Variants in ITGA9 observed in about 807,000 individuals in gnomAD.
ITGA9 encodes the protein integrin alpha-9.
A neutral mutation model predicts 127.8 loss-of-function variants in ITGA9; 56 were observed. The observed-to-expected ratio is 0.44, with a 90% confidence interval of 0.35 to 0.55. The LOEUF (loss-of-function observed/expected upper bound fraction) is 0.55, where lower values mean the gene tolerates loss of function less well. Ranked by LOEUF, ITGA9 falls within the 20% of genes least tolerant of loss-of-function variation. The probability of loss-of-function intolerance (pLI) is 0.00; values close to 1 mark genes in which losing one functional copy is unlikely to be tolerated. For missense variants in ITGA9, 1,196 were observed against 1,347.1 expected, an observed-to-expected ratio of 0.89 and a Z score of 1.76; for synonymous variants, 508 against 514.5, an observed-to-expected ratio of 0.99 and a Z score of 0.17.
intron 5 of ITGA9, among the ~76,000 whole-genome samples, chr3:37,499,107 C>A (rs1311861259): frequency 6.6e-6 from 1 of 152,236 alleles, no homozygotes; most frequent in Non-Finnish European, 1.5e-5. Flanking sequence ...TGGATACCAC[C>A]TGAATTTTAG....
intron 23 of ITGA9, among the ~76,000 whole-genome samples, chr3:37,762,727 G>A (rs1337701470): frequency 6.6e-6 from 1 of 152,164 alleles, no homozygotes; most frequent in African/African-American, 2.4e-5. Flanking sequence ...ATCTATTTTG[G>A]GATAAAACAT....
At chr3:37,584,495 G>A (rs1699738442) in intron 15 of ITGA9, among the ~76,000 whole-genome samples, 1 of 152,124 alleles carries the variant, frequency 6.6e-6, no homozygotes, top group South Asian at 2.1e-4. Context: ...ATGCAGTCTA[G>A]CCTGTAATCC....
chr3:37,616,867 T>A (rs905259653), intron 15 of ITGA9, among the ~76,000 whole-genome samples: 9 of 152,210 alleles, frequency 5.9e-5, no homozygotes, highest in African/African-American at 2.2e-4. Flanking sequence ...TCTCTGCACG[T>A]GAGATGGGTC....
At chr3:37,534,707 G>A (rs1193403448) in intron 14 of ITGA9, among the ~76,000 whole-genome samples, 1 of 152,218 alleles carries the variant, frequency 6.6e-6, no homozygotes, top group Non-Finnish European at 1.5e-5. Flanking sequence ...AACATTGAAT[G>A]AAACCATACC....
At chr3:37,582,427 A>T (rs1309076540) in intron 15 of ITGA9, among the ~76,000 whole-genome samples, 1 of 152,160 alleles carries the variant, frequency 6.6e-6, no homozygotes, top group Admixed American at 6.5e-5. Context: ...TTTTAAGGGG[A>T]GGAAGATGGC....
chr3:37,585,120 G>A lies in ITGA9; in HGVS notation c.1689+42535G>A, dbSNP rs118145256. Among the ~76,000 whole-genome samples the A allele has an allele frequency of 1.2e-3, 181 of 152,242 alleles. 4 individuals are homozygous for A. In the East Asian group the frequency reaches 0.023, roughly 19 times the overall value. On this transcript the variant is annotated intron_variant, in intron 15 of 27. Transcript: ENST00000264741. ...GACCACTCCCCACCTTGCTCCTTCC[G>A]ACCTAGGGCATTAATGGCTCCCTGC...
intron 17 of ITGA9, among the ~76,000 whole-genome samples, chr3:37,667,349 T>G: frequency 6.6e-6 from 1 of 152,194 alleles, no homozygotes; most frequent in East Asian, 1.9e-4. Flanking sequence ...AACAATATAT[T>G]ATTGCACACA....
chr3:37,672,915 A>G (rs1302144622), intron 17 of ITGA9, among the ~76,000 whole-genome samples: 1 of 148,472 alleles, frequency 6.7e-6, no homozygotes, highest in East Asian at 2.0e-4. Flanking sequence ...TTTTTTTTTT[A>G]CAACAAAAAA....
At chr3:37,498,580 G>A (rs906553665) in intron 5 of ITGA9, among the ~76,000 whole-genome samples, 3 of 152,160 alleles carry the variant, frequency 2.0e-5, no homozygotes, top group African/African-American at 7.2e-5. Context: ...CAGGCTTTGG[G>A]ATTTAGAACC....
intron 5 of ITGA9, among the ~76,000 whole-genome samples, chr3:37,498,396 T>C (rs1250741805): frequency 2.0e-5 from 3 of 152,014 alleles, no homozygotes; most frequent in Non-Finnish European, 4.4e-5. Flanking sequence ...GAGGAGAAAG[T>C]GTTCCCAGGA....
rs576868140 is a variant in ITGA9 at position 37,790,304 on chromosome 3, G to C, written c.2889+5226G>C. ...TGAGCAATCTCTCCCTTAATTTCTG[G>C]ATAGAGACTAATCTGCTCTCACAGG... On this transcript the variant is annotated intron_variant, in intron 26 of 27. Coordinates refer to ENST00000264741, the MANE Select transcript of ITGA9 (RefSeq NM_002207.3). 14 of 536,304 alleles carry C rather than the reference G, an allele frequency of 2.6e-5. No homozygotes were observed. In the East Asian group the frequency reaches 7.0e-4, roughly 27 times the overall value. 33.2% of individuals were successfully genotyped at this position (536,304 alleles called of 1,614,324 possible).
At chr3:37,521,246 G>A (rs1699041573) in intron 11 of ITGA9, among the ~76,000 whole-genome samples, 2 of 152,210 alleles carry the variant, frequency 1.3e-5, no homozygotes, top group African/African-American at 4.8e-5. Context: ...CCCAGGTCCT[G>A]GACAGAGCAG....
At chr3:37,651,334 A>G (rs1016947089) in intron 16 of ITGA9, among the ~76,000 whole-genome samples, 14 of 152,226 alleles carry the variant, frequency 9.2e-5, no homozygotes, top group East Asian at 7.7e-4. Flanking sequence ...TGCATCTCAC[A>G]TGGCTAAGAG....
In ITGA9 at chr3:37,665,893, G is replaced by T. The variant is rs189821937; in HGVS notation, c.1916+12103G>T. ...GGATTTAGGCCCCAGGGAAGGTGAG[G>T]AGCAGTGTAAGGGACAGTCACACTC... On this transcript the variant is annotated intron_variant, in intron 17 of 27. Coordinates refer to ENST00000264741, the MANE Select transcript of ITGA9 (RefSeq NM_002207.3). Among the ~76,000 whole-genome samples, 13 of 152,304 alleles carry T rather than the reference G, an allele frequency of 8.5e-5. No individual in the cohort carries two copies. The East Asian group carries it at 2.5e-3, about 29-fold the overall frequency.
At chr3:37,595,071 C>T (rs1206551803) in intron 15 of ITGA9, among the ~76,000 whole-genome samples, 1 of 152,166 alleles carries the variant, frequency 6.6e-6, no homozygotes, top group Non-Finnish European at 1.5e-5. Context: ...CCTGGAAGAT[C>T]CGCTTCCTTG....
intron 16 of ITGA9, among the ~76,000 whole-genome samples, chr3:37,645,043 AGGG>A (rs1457846973): frequency 1.3e-5 from 2 of 152,126 alleles, no homozygotes; most frequent in Non-Finnish European, 2.9e-5. Flanking sequence ...CAGAATTGGG[AGGG>A]AGAAACCTCT....
intron 26 of ITGA9, chr3:37,790,977 A>C (rs1697102100): frequency 6.6e-6 from 1 of 152,206 alleles, no homozygotes; most frequent in Admixed American, 6.5e-5. Context: ...TGCAGAAAGA[A>C]AAGGAATTTA....
Position 37,748,202 on chromosome 3 carries a change from T to C in ITGA9, c.2434-2260T>C. On this transcript the variant is annotated intron_variant, in intron 22 of 27. Transcript: ENST00000264741. ...GGAGTTGTTTTTTTGGCCACGTGTA[T>C]GCAAATCTATAAGAAAGGTGACATT... is the stretch of plus-strand genomic sequence containing the variant. The C allele has an allele frequency of 8.7e-6, 4 of 459,746 alleles. No individual in the cohort carries two copies. The Admixed American group carries it at 9.8e-5, about 11-fold the overall frequency. 28.5% of individuals were successfully genotyped at this position (459,746 alleles called of 1,614,324 possible).
intron 8 of ITGA9, among the ~76,000 whole-genome samples, chr3:37,512,366 C>G (rs1209515615): frequency 1.3e-5 from 2 of 151,080 alleles, no homozygotes; most frequent in Non-Finnish European, 2.9e-5. Context: ...ATTACAGGTG[C>G]CTGCCACCAC....
Sources: allele counts gnomAD v4.1 joint callset (sites outside exome capture counted in the v4.1 genomes callset), GRCh38; gene constraint gnomAD v4.1.1; transcripts MANE v1.5; gene names NCBI Gene and HGNC (gene_info 2026-07-23, HGNC 2026-07-21).